SPATA6: variants seen among roughly 807,000 people sequenced by gnomAD.
SPATA6 encodes spermatogenesis associated 6.
A neutral mutation model predicts 65.3 loss-of-function variants in SPATA6; 56 were observed. The ratio of observed to expected loss-of-function variants is 0.86; its 90% CI spans 0.69 to 1.07. The LOEUF (loss-of-function observed/expected upper bound fraction) is 1.07. SPATA6 is among the 50% of genes least tolerant of loss of function. The probability of loss-of-function intolerance (pLI) is 0.00; values close to 1 mark genes in which losing one functional copy is unlikely to be tolerated. For missense variants in SPATA6, 590 were observed against 594.8 expected, an observed-to-expected ratio of 0.99 and a Z score of 0.08; for synonymous variants, 199 against 213.2, an observed-to-expected ratio of 0.93 and a Z score of 0.58.
chr1:48,332,421 G>A (rs1335326119), intron 11 of SPATA6, among the ~76,000 whole-genome samples: 1 of 152,138 alleles, frequency 6.6e-6, no homozygotes, highest in Non-Finnish European at 1.5e-5. Flanking sequence ...ACTGAAAAAG[G>A]CAGAGTATGC....
intron 11 of SPATA6, among the ~76,000 whole-genome samples, chr1:48,326,498 AT>A (rs1645764480): frequency 1.3e-5 from 2 of 151,782 alleles, no homozygotes; most frequent in African/African-American, 4.8e-5. Context: ...ATTAGAAAAA[AT>A]AATCCTAAAG....
intron 1 of SPATA6, among the ~76,000 whole-genome samples, 169 bp downstream of exon 1, chr1:48,471,789 G>A (rs1658273359): frequency 6.6e-6 from 1 of 152,148 alleles, no homozygotes; most frequent in South Asian, 2.1e-4. Context: ...CGGAGTGGGA[G>A]AGCGCTTCTG....
the SPATA6 span, among the ~76,000 whole-genome samples, chr1:48,264,376 T>G: frequency 1.3e-5 from 2 of 152,194 alleles, no homozygotes; most frequent in African/African-American, 2.4e-5. Flanking sequence ...AAAAATCTTT[T>G]TTTGTTGTTA....
At chr1:48,373,863 T>C (rs1049074945) in intron 9 of SPATA6, among the ~76,000 whole-genome samples, 13 of 152,084 alleles carry the variant, frequency 8.5e-5, no homozygotes, top group African/African-American at 3.1e-4. Context: ...TTCAATTACT[T>C]CCCCCTGGGT....
chr1:48,442,717 T>TAAAAAAAAAAAAAAAAAAAAAAA (rs71056669), intron 3 of SPATA6, among the ~76,000 whole-genome samples: 1 of 46,216 alleles, frequency 2.2e-5, no homozygotes, highest in African/African-American at 9.2e-5. Flanking sequence ...ATGGAAGTAG[T>TAAAAAAAAAAAAAAAAAAAAAAA]AAAAAAAAAA....
At chr1:48,371,495 T>C (rs1341194829) in intron 9 of SPATA6, among the ~76,000 whole-genome samples, 1 of 152,214 alleles carries the variant, frequency 6.6e-6, no homozygotes, top group Non-Finnish European at 1.5e-5. Flanking sequence ...CTACAGCATG[T>C]TAGGCAATAC....
intron 8 of SPATA6, 118 bp from the exon 9 acceptor site, chr1:48,385,467 T>A: frequency 1.2e-6 from 1 of 801,880 alleles, no homozygotes; most frequent in Non-Finnish European, 1.9e-6. Context: ...TACTTCAAAA[T>A]CCTTCAACAG....
intron 11 of SPATA6, among the ~76,000 whole-genome samples, chr1:48,306,913 T>TC (rs1449383765): frequency 6.6e-6 from 1 of 151,910 alleles, no homozygotes; most frequent in Admixed American, 6.6e-5. Context: ...TGCTTTTTTT[T>TC]CCCTTAACTT....
At chr1:48,274,912 C>A in the SPATA6 span, among the ~76,000 whole-genome samples, 1 of 152,154 alleles carries the variant, frequency 6.6e-6, no homozygotes, top group Non-Finnish European at 1.5e-5. Flanking sequence ...AGCATCGAAT[C>A]TATAAATTAC....
chr1:48,464,838 G>GATTATA (rs2148196262), intron 1 of SPATA6, among the ~76,000 whole-genome samples: 1 of 152,172 alleles, frequency 6.6e-6, no homozygotes, highest in Admixed American at 6.5e-5. Context: ...AATTATTGGT[G>GATTATA]ATTATACATT....
At chr1:48,361,167 A>C (rs1198270720) in intron 9 of SPATA6, among the ~76,000 whole-genome samples, 1 of 152,176 alleles carries the variant, frequency 6.6e-6, no homozygotes, top group Non-Finnish European at 1.5e-5. Context: ...AGGAAGTAAA[A>C]GTAAATCAAA....
intron 11 of SPATA6, among the ~76,000 whole-genome samples, chr1:48,347,507 G>T (rs1253056893): frequency 6.9e-6 from 1 of 145,784 alleles, no homozygotes; most frequent in African/African-American, 2.5e-5. Flanking sequence ...TATATATAAT[G>T]TATATATAAT....
chr1:48,403,256 T>G (rs191430666), intron 6 of SPATA6, among the ~76,000 whole-genome samples: 1 of 152,084 alleles, frequency 6.6e-6, no homozygotes, highest in Non-Finnish European at 1.5e-5. Flanking sequence ...TTCAAAAACA[T>G]AGATGATCCT....
At chr1:48,371,900 T>C (rs1647322971) in intron 9 of SPATA6, among the ~76,000 whole-genome samples, 1 of 152,060 alleles carries the variant, frequency 6.6e-6, no homozygotes, top group Admixed American at 6.5e-5. Context: ...ACCCAACAGA[T>C]CTCATGACAC....
Position 48,472,170 on chromosome 1 carries a change from A to C in SPATA6, c.-162T>G, listed in dbSNP as rs1159248171. ...CGGTCCAGCCTGGGTTCCGCCGGAG[A>C]AGCAGCTGAGCGCGGGGCGCAGACT... On this transcript the variant is annotated 5_prime_UTR_variant, in exon 1 of 13. Coordinates refer to ENST00000371847, the MANE Select transcript of SPATA6 (RefSeq NM_019073.4). The C allele has an allele frequency of 7.1e-6, 4 of 564,908 alleles. No individual in the cohort carries two copies. The African/African-American group carries it at 8.0e-5, about 11-fold the overall frequency. 35.0% of individuals were successfully genotyped at this position (564,908 alleles called of 1,614,324 possible). A position where few individuals can be genotyped will look rare whatever the true frequency, so the allele number is the denominator to read the frequency against.
chr1:48,471,986 T>G lies in SPATA6; in HGVS notation c.23A>C (p.Gln8Pro), dbSNP rs1557746249. ...GCTGATCTCCAGCGCCAGGGCGCAC[T>G]GCAGCGCCTTCACCTTCGGCATCCG... Reference protein sequence around the residue: MPKVKALQCALALEISSV... With the variant: MPKVKALPCALALEISSV... Residue 8 changes from glutamine to proline, a missense_variant, in exon 1 of 13, where the codon CAG becomes CCG. By Grantham distance (76) the Gln-to-Pro change is moderately conservative. Coordinates refer to ENST00000371847, the MANE Select transcript of SPATA6 (RefSeq NM_019073.4). 6.3e-7 allele frequency: 1 copy of G among 1,592,862 alleles called. No individual in the cohort carries two copies. Among genetic ancestry groups the G allele is most frequent in the Non-Finnish European group, 8.5e-7 (1 of 1,172,036 alleles).
At chr1:48,280,185 G>A in the SPATA6 span, among the ~76,000 whole-genome samples, 1 of 152,160 alleles carries the variant, frequency 6.6e-6, no homozygotes, top group African/African-American at 2.4e-5. Flanking sequence ...TCAAAGCAGT[G>A]TGTAGCGGGA....
chr1:48,319,070 A>G (rs901440442), intron 11 of SPATA6, among the ~76,000 whole-genome samples: 2 of 152,208 alleles, frequency 1.3e-5, no homozygotes, highest in South Asian at 2.1e-4. Context: ...CACATGAAAA[A>G]GAATTAATTT....
the SPATA6 span, among the ~76,000 whole-genome samples, chr1:48,277,508 C>A: frequency 6.6e-6 from 1 of 152,044 alleles, no homozygotes. Context: ...GCTTAAAAAA[C>A]GGTGCACCAG....
Sources: gnomAD v4.1 joint callset for allele counts (sites outside exome capture counted in the v4.1 genomes callset) on GRCh38, gnomAD v4.1.1 for gene constraint, MANE v1.5 for transcripts, NCBI Gene and HGNC (gene_info 2026-07-23, HGNC 2026-07-21) for gene names.